GABRB2: variants seen among roughly 807,000 people sequenced by gnomAD.
GABRB2 encodes the protein gamma-aminobutyric acid receptor subunit beta-2.
A neutral mutation model predicts 54.7 loss-of-function variants in GABRB2; 16 were observed. That is an observed-to-expected ratio of 0.29 (90% CI 0.20 to 0.44). GABRB2 has a LOEUF of 0.44. GABRB2 is among the 20% of genes least tolerant of loss of function. The pLI is 1.00. For missense variants in GABRB2, 355 were observed against 644.0 expected (o/e 0.55, Z 4.86); for synonymous variants, 244 against 233.8 (o/e 1.04, Z -0.40).
At chr5:161,355,554 T>C (rs1018139966) in intron 5 of GABRB2, among the ~76,000 whole-genome samples, 15 of 151,868 alleles carry the variant, frequency 9.9e-5, no homozygotes, top group African/African-American at 3.6e-4. Flanking sequence ...TGGAGGACAG[T>C]AGGTGCCTCA....
chr5:161,532,497 T>C (rs1393801806), intron 3 of GABRB2, among the ~76,000 whole-genome samples: 5 of 152,092 alleles, frequency 3.3e-5, no homozygotes, highest in Non-Finnish European at 5.9e-5. Context: ...GCCCAGAAAA[T>C]ATAAATACTC....
intron 3 of GABRB2, among the ~76,000 whole-genome samples, chr5:161,466,199 T>C (rs1758272025): frequency 6.6e-6 from 1 of 152,078 alleles, no homozygotes; most frequent in African/African-American, 2.4e-5. Context: ...GTATCCATCA[T>C]ATAAAGTGTA....
chr5:161,343,032 G>A (rs572266330), intron 5 of GABRB2, among the ~76,000 whole-genome samples: 54 of 152,194 alleles, frequency 3.5e-4, no homozygotes, highest in African/African-American at 1.2e-3. Flanking sequence ...GTACAGGACT[G>A]AGCGCAGTCA....
chr5:161,346,461 A>C (rs1168013966), intron 5 of GABRB2, among the ~76,000 whole-genome samples: 2 of 152,160 alleles, frequency 1.3e-5, no homozygotes, highest in African/African-American at 4.8e-5. Flanking sequence ...ATGTGCAATA[A>C]AGTGTCAACT....
intron 4 of GABRB2, among the ~76,000 whole-genome samples, chr5:161,417,989 T>A (rs1756730273): frequency 6.6e-6 from 1 of 152,192 alleles, no homozygotes; most frequent in Non-Finnish European, 1.5e-5. Context: ...TGATAAATCA[T>A]GCATTTCAGA....
intron 5 of GABRB2, among the ~76,000 whole-genome samples, chr5:161,379,088 T>C (rs1755390640): frequency 6.6e-6 from 1 of 152,188 alleles, no homozygotes; most frequent in South Asian, 2.1e-4. Flanking sequence ...ACATTAGTTA[T>C]CATTTTAAAT....
At chr5:161,435,884 A>T (rs147645051) in intron 4 of GABRB2, among the ~76,000 whole-genome samples, 1 of 152,198 alleles carries the variant, frequency 6.6e-6, no homozygotes, top group African/African-American at 2.4e-5. Context: ...TTAAATTTAT[A>T]GATTTTGTTT....
At chr5:161,410,901 A>C in intron 5 of GABRB2, 74 bp downstream of exon 5, 1 of 1,148,708 alleles carries the variant, frequency 8.7e-7, no homozygotes, top group Non-Finnish European at 1.3e-6. Context: ...TCTGGACATG[A>C]GCCAGGACTG....
intron 4 of GABRB2, 121 bp downstream of exon 4, chr5:161,459,503 C>T (rs1302156464): frequency 7.1e-6 from 6 of 840,702 alleles, no homozygotes; most frequent in Admixed American, 4.2e-5. Flanking sequence ...GGATAGGAGG[C>T]TTAACTGTTT....
intron 9 of GABRB2, among the ~76,000 whole-genome samples, chr5:161,305,230 A>G (rs1385173541): frequency 6.6e-6 from 1 of 151,514 alleles, no homozygotes; most frequent in African/African-American, 2.4e-5. Flanking sequence ...GTTAGCCAGG[A>G]TGGTCTCGAT....
At chr5:161,296,894 A>G (rs1757395660) in intron 9 of GABRB2, among the ~76,000 whole-genome samples, 1 of 152,224 alleles carries the variant, frequency 6.6e-6, no homozygotes, top group Admixed American at 6.5e-5. Flanking sequence ...TCTGTGGACT[A>G]AGAATAGGAT....
rs573467396 is a variant in GABRB2 at position 161,526,381 on chromosome 5, C to A, written c.237+18846G>T. ...AGTATTGAATGGAGACAAGTTATCACTCTAAAACAGGTGTATGAGGCACTA... is the reference window on the plus strand; with the variant it reads ...AGTATTGAATGGAGACAAGTTATCAATCTAAAACAGGTGTATGAGGCACTA... On this transcript the variant is annotated intron_variant, in intron 3 of 9. Transcript: ENST00000393959. Among the ~76,000 whole-genome samples, 264 of 151,440 alleles carry A rather than the reference C, an allele frequency of 1.7e-3. 1 individual carries two copies. Among genetic ancestry groups the A allele is most frequent in the African/African-American group, 6.1e-3 (252 of 41,466 alleles).
intron 5 of GABRB2, among the ~76,000 whole-genome samples, chr5:161,385,670 C>A (rs1197838180): frequency 6.6e-6 from 1 of 152,102 alleles, no homozygotes; most frequent in Non-Finnish European, 1.5e-5. Flanking sequence ...CCTGCGTTAA[C>A]TACTAGGTAT....
At chr5:161,546,819 A>G, upstream of GABRB2, 1 of 1,211,866 alleles carries the variant, frequency 8.3e-7, no homozygotes. Context: ...AAAAAAAAAA[A>G]TTAAAAGGGA....
intron 3 of GABRB2, among the ~76,000 whole-genome samples, chr5:161,508,404 A>G (rs1384162097): frequency 6.6e-6 from 1 of 150,558 alleles, no homozygotes; most frequent in Non-Finnish European, 1.5e-5. Context: ...TGTTGTCCCA[A>G]TTTTAGAGAT....
chr5:161,477,074 C>A (rs1758613106), intron 3 of GABRB2, among the ~76,000 whole-genome samples: 1 of 151,624 alleles, frequency 6.6e-6, no homozygotes, highest in Non-Finnish European at 1.5e-5. Context: ...AAAACTCCTA[C>A]AACTCATAAC....
upstream of GABRB2, among the ~76,000 whole-genome samples, chr5:161,547,398 T>C (rs1398491077): frequency 6.6e-6 from 1 of 151,736 alleles, no homozygotes; most frequent in East Asian, 1.9e-4. Context: ...AAGAATAAAA[T>C]AATGGCTGGT....
chr5:161,340,700 C>T (rs1055169259), intron 5 of GABRB2, among the ~76,000 whole-genome samples: 3 of 151,540 alleles, frequency 2.0e-5, no homozygotes, highest in Non-Finnish European at 4.4e-5. Flanking sequence ...ATGCTTAGAA[C>T]AGCATCAGCA....
chr5:161,483,535 A>T (rs1374737867), intron 3 of GABRB2, among the ~76,000 whole-genome samples: 2 of 150,882 alleles, frequency 1.3e-5, no homozygotes. Context: ...ACAGTGTTAT[A>T]AAAAAGAGAC....
Sources: allele counts gnomAD v4.1 joint callset (sites outside exome capture counted in the v4.1 genomes callset), GRCh38; gene constraint gnomAD v4.1.1; transcripts MANE v1.5; gene names NCBI Gene and HGNC (gene_info 2026-07-23, HGNC 2026-07-21).